SORCS1: variants seen among roughly 807,000 people sequenced by gnomAD.
The protein encoded by SORCS1 is VPS10 domain-containing receptor SorCS1.
In SORCS1, 60 loss-of-function variants were observed where a neutral mutation model predicts 146.1. That is an observed-to-expected ratio of 0.41 (90% confidence interval 0.33 to 0.51). The LOEUF (loss-of-function observed/expected upper bound fraction) is 0.51, where lower values mean the gene tolerates loss of function less well. SORCS1 is among the 20% of genes least tolerant of loss of function. The pLI is 0.21. For synonymous variants in SORCS1, 637 were observed against 584.0 expected (o/e 1.09, Z -1.31); for missense variants, 1,352 against 1,487.6 (o/e 0.91, Z 1.50).
At chr10:106,796,469 C>A (rs1946557114) in intron 3 of SORCS1, among the ~76,000 whole-genome samples, 1 of 152,174 alleles carries the variant, frequency 6.6e-6, no homozygotes, top group East Asian at 1.9e-4. Context: ...TCCACTGCTG[C>A]ATTATACTCA....
chr10:106,735,417 G>C (rs764796022), intron 5 of SORCS1, among the ~76,000 whole-genome samples: 8 of 152,134 alleles, frequency 5.3e-5, no homozygotes, highest in Non-Finnish European at 1.0e-4. Context: ...ATGAAGAAAG[G>C]GTTCTAACAT....
intron 1 of SORCS1, among the ~76,000 whole-genome samples, chr10:107,139,859 C>G (rs756507774): frequency 9.2e-5 from 14 of 152,172 alleles, no homozygotes; most frequent in Non-Finnish European, 1.3e-4. Flanking sequence ...AAGTGCTTCA[C>G]GTATGTCCTC....
At chr10:106,705,879 TG>T (rs1018587760) in intron 8 of SORCS1, among the ~76,000 whole-genome samples, 4 of 152,132 alleles carry the variant, frequency 2.6e-5, no homozygotes, top group Non-Finnish European at 5.9e-5. Flanking sequence ...GATATGCCTT[TG>T]GGGAAGTCTA....
intron 1 of SORCS1, among the ~76,000 whole-genome samples, chr10:107,055,022 C>G (rs1256076060): frequency 6.6e-6 from 1 of 152,090 alleles, no homozygotes; most frequent in African/African-American, 2.4e-5. Context: ...ACCTCTGATC[C>G]AACAGAGAAT....
At chr10:107,111,277 A>T (rs1031772127) in intron 1 of SORCS1, among the ~76,000 whole-genome samples, 1 of 152,252 alleles carries the variant, frequency 6.6e-6, no homozygotes, top group Non-Finnish European at 1.5e-5. Flanking sequence ...TAATCATCTT[A>T]AGAAGCTCAA....
At chr10:106,999,705 C>CA (rs1447343491) in intron 1 of SORCS1, among the ~76,000 whole-genome samples, 1 of 152,158 alleles carries the variant, frequency 6.6e-6, no homozygotes, top group Non-Finnish European at 1.5e-5. Context: ...TTCTAGTTTC[C>CA]AAATCAGGCA....
Position 106,960,253 on chromosome 10 carries a change from G to T in SORCS1, c.559-3673C>A, listed in dbSNP as rs1217023297. ...TCCAGTTATTTCTGGGATTTCCACA[G>T]TGACATGCTTCAAGTATCCCCCTCG... On this transcript the variant is annotated intron_variant, in intron 1 of 25. Transcript: ENST00000263054. This position sits in a 1 kb window ranked among gnomAD's most constrained non-coding sequence, Gnocchi z 4.4. Among the ~76,000 whole-genome samples the T allele has an allele frequency of 1.6e-4, 24 of 152,152 alleles. No homozygotes were observed. The highest frequency in any genetic ancestry group is 1.6e-3 in the Admixed American group (24 of 15,272).
intron 1 of SORCS1, among the ~76,000 whole-genome samples, chr10:107,152,341 C>A (rs929643600): frequency 5.9e-5 from 9 of 152,150 alleles, no homozygotes; most frequent in Admixed American, 2.0e-4. Flanking sequence ...GGTTTGGGGT[C>A]CCCATGCAAA....
At chr10:106,817,319 C>T (rs1434746626) in intron 3 of SORCS1, among the ~76,000 whole-genome samples, 1 of 152,108 alleles carries the variant, frequency 6.6e-6, no homozygotes, top group Non-Finnish European at 1.5e-5. Flanking sequence ...GGATAGCATC[C>T]ACAATTAAAG....
intron 1 of SORCS1, among the ~76,000 whole-genome samples, chr10:107,072,433 C>T (rs191721802): frequency 2.3e-4 from 35 of 152,216 alleles, no homozygotes; most frequent in South Asian, 8.3e-4. Flanking sequence ...CTAATAACCC[C>T]GCCACCTGCA....
chr10:106,723,349 A>T (rs1254477069), intron 6 of SORCS1, among the ~76,000 whole-genome samples: 1 of 151,864 alleles, frequency 6.6e-6, no homozygotes, highest in Non-Finnish European at 1.5e-5. Flanking sequence ...AATCAATAGA[A>T]TGTAGGTTTC....
At chr10:107,020,588 GA>G (rs1958085357) in intron 1 of SORCS1, among the ~76,000 whole-genome samples, 2 of 152,176 alleles carry the variant, frequency 1.3e-5, no homozygotes, top group Non-Finnish European at 2.9e-5. Flanking sequence ...TGCTTTCAGG[GA>G]ATTCTGTTTG....
chr10:106,595,489 C>T (rs1845851615), intron 24 of SORCS1, among the ~76,000 whole-genome samples: 1 of 152,110 alleles, frequency 6.6e-6, no homozygotes, highest in African/African-American at 2.4e-5. Flanking sequence ...ACAAACGGCA[C>T]ACCCTGGCAT....
At chr10:106,824,899 A>G (rs375661169) in intron 3 of SORCS1, among the ~76,000 whole-genome samples, 1 of 152,192 alleles carries the variant, frequency 6.6e-6, no homozygotes, top group Non-Finnish European at 1.5e-5. Context: ...ATAACACAGA[A>G]ATGAGAAAAA....
At chr10:106,888,477 TTTAG>T (rs75375792) in intron 2 of SORCS1, among the ~76,000 whole-genome samples, 42,876 of 151,890 alleles carry the variant, frequency 0.28, 7,204 homozygotes, top group Non-Finnish European at 0.38. Flanking sequence ...AGGGTCAGTA[TTTAG>T]CTAAGTACCT....
At chr10:106,952,716 T>A (rs1003569859) in intron 2 of SORCS1, among the ~76,000 whole-genome samples, 1 of 151,646 alleles carries the variant, frequency 6.6e-6, no homozygotes, top group African/African-American at 2.4e-5. Context: ...TGGCTCATGC[T>A]TGTAATCCTG....
intron 1 of SORCS1, among the ~76,000 whole-genome samples, chr10:106,973,585 A>C (rs1419163350): frequency 1.3e-5 from 2 of 152,196 alleles, no homozygotes; most frequent in Admixed American, 1.3e-4. Flanking sequence ...AGAGACAAGC[A>C]TGTCTGCTAG....
At chr10:106,633,130 T>C (rs1287092075) in intron 18 of SORCS1, among the ~76,000 whole-genome samples, 1 of 152,186 alleles carries the variant, frequency 6.6e-6, no homozygotes, top group African/African-American at 2.4e-5. Flanking sequence ...ATCTTTCTCC[T>C]AAGAGCAATG....
At chr10:106,922,668 G>T (rs1182267677) in intron 2 of SORCS1, among the ~76,000 whole-genome samples, 2 of 152,096 alleles carry the variant, frequency 1.3e-5, no homozygotes, top group Non-Finnish European at 2.9e-5. Flanking sequence ...TACACTTGTT[G>T]CAACTGATGA....
Sources: gnomAD v4.1 joint callset for allele counts (sites outside exome capture counted in the v4.1 genomes callset) on GRCh38, gnomAD v4.1.1 for gene constraint, Gnocchi (gnomAD v3.1) non-coding constraint, MANE v1.5 for transcripts, NCBI Gene and HGNC (gene_info 2026-07-23, HGNC 2026-07-21) for gene names.